ANKRD28: variants seen among roughly 807,000 people sequenced by gnomAD.
The protein encoded by ANKRD28 is ankyrin repeat domain 28.
ANKRD28 carries 44 observed loss-of-function variants against 126.5 expected under a neutral mutation model. That is an observed-to-expected ratio of 0.35 (90% CI 0.27 to 0.45). ANKRD28 has a LOEUF of 0.45. Among genes scored for constraint, ANKRD28 ranks in the 20% least tolerant of loss-of-function variants. The probability of loss-of-function intolerance (pLI) is 1.00; values close to 1 mark genes in which losing one functional copy is unlikely to be tolerated. For synonymous variants in ANKRD28, 442 were observed against 468.5 expected (o/e 0.94, Z 0.73); for missense variants, 1,110 against 1,316.6 (o/e 0.84, Z 2.43).
At position 15,814,847 on chromosome 3, in the gene ANKRD28, C is replaced by T. The variant is rs1042617836; in HGVS notation, c.28-19541G>A. Among the ~76,000 whole-genome samples, 1 of 150,648 alleles carries T rather than the reference C, an allele frequency of 6.6e-6. No homozygotes were observed. Among genetic ancestry groups the T allele is most frequent in the Non-Finnish European group, 1.5e-5 (1 of 67,686 alleles). On this transcript the variant is annotated intron_variant, in intron 1 of 27. Coordinates refer to the ANKRD28 transcript ENST00000399451. The surrounding 1 kb of genome is among the most constrained non-coding windows in gnomAD (Gnocchi z 4.7). ...TTTAAGAAATCACTGCAATATCTCT[C>T]AAAGAAAACTCTGGTAATTTTATAC...
intron 21 of ANKRD28, among the ~76,000 whole-genome samples, chr3:15,682,344 C>G (rs17041447): frequency 6.6e-6 from 1 of 152,100 alleles, no homozygotes; most frequent in East Asian, 1.9e-4. Flanking sequence ...CACTCACCAT[C>G]TGAGTACAGA....
At chr3:15,720,853 C>T in intron 8 of ANKRD28, 62 bp downstream of exon 8, 1 of 1,438,420 alleles carries the variant, frequency 7.0e-7, no homozygotes, top group Non-Finnish European at 9.6e-7. Context: ...ATGGTATTCA[C>T]CATTGATGTT....
chr3:15,824,765 T>A (rs1042918014), intron 1 of ANKRD28, among the ~76,000 whole-genome samples: 2 of 152,240 alleles, frequency 1.3e-5, no homozygotes, highest in East Asian at 3.8e-4. Context: ...AGGTATCACT[T>A]ATGTCAAAAC....
At chr3:15,709,944 A>G (rs1390297434) in intron 12 of ANKRD28, among the ~76,000 whole-genome samples, 1 of 152,200 alleles carries the variant, frequency 6.6e-6, no homozygotes, top group Non-Finnish European at 1.5e-5. Flanking sequence ...CACTGAGGAA[A>G]TAACACACGA....
At chr3:15,762,814 G>A (rs2058560483) in intron 3 of ANKRD28, among the ~76,000 whole-genome samples, 1 of 152,050 alleles carries the variant, frequency 6.6e-6, no homozygotes, top group Non-Finnish European at 1.5e-5. Flanking sequence ...GACTTTTCTA[G>A]GTATCTTAAT....
rs115820525 is a variant in ANKRD28 at position 15,746,985 on chromosome 3, A to G, written c.351+4765T>C. Among the ~76,000 whole-genome samples, 643 of 152,246 alleles carry G rather than the reference A, an allele frequency of 4.2e-3. 4 individuals carry two copies. Among genetic ancestry groups the G allele is most frequent in the East Asian group, 0.019 (98 of 5,192 alleles). ...TCTAGGTTTTCTAGTTTATGTGCGTAAAGGTGTTCACATTAGCCTTGGATA... is the reference window on the plus strand; with the variant it reads ...TCTAGGTTTTCTAGTTTATGTGCGTGAAGGTGTTCACATTAGCCTTGGATA... On this transcript the variant is annotated intron_variant, in intron 4 of 27. Transcript: ENST00000683139.
intron 2 of ANKRD28, among the ~76,000 whole-genome samples, chr3:15,784,961 A>C (rs2059708138): frequency 6.6e-6 from 1 of 152,112 alleles, no homozygotes; most frequent in African/African-American, 2.4e-5. Flanking sequence ...GGAAAGACTC[A>C]GAGGGGTAAA....
In ANKRD28 at chr3:15,751,789, C is replaced by A. The variant is rs2057877864; in HGVS notation, c.312G>T (p.Trp104Cys). The A allele has an allele frequency of 1.3e-6, 2 of 1,588,650 alleles. No individual in the cohort carries two copies. The highest frequency in any genetic ancestry group is 1.7e-6 in the Non-Finnish European group (2 of 1,167,062). ...CAACTGCTCTGTGTAAAGGTGTCAA[C>A]CATTTGCTGTCTTTGGCATTAACTC... is the stretch of plus-strand genomic sequence containing the variant. Reference protein sequence around the residue: ...GARVNAKDSKWLTPLHRAVAS... With the variant: ...GARVNAKDSKCLTPLHRAVAS... The change falls in exon 4 of 28, where the codon TGG becomes TGT. Residue 104 changes from tryptophan (W) to cysteine (C), a missense_variant. Transcript: ENST00000683139.
rs202235946 is a variant in ANKRD28, at chr3:15,692,005, TG to T, written c.1762-1786del. ...AAACAAATAAATAAGCTGGACCTGG[TG>T]GCACATGCCTGTGGTCCCAGCTATG... is the stretch of plus-strand genomic sequence containing the variant. On this transcript the variant is annotated intron_variant, in intron 17 of 27. Coordinates refer to ENST00000683139, the MANE Select transcript of ANKRD28 (RefSeq NM_001349278.2). Among the ~76,000 whole-genome samples the T allele has an allele frequency of 7.4e-3, 1,122 of 152,158 alleles. 10 individuals are homozygous for T. Among genetic ancestry groups the T allele is most frequent in the African/African-American group, 0.025 (1,024 of 41,504 alleles).
At chr3:15,772,562 G>A (rs1009474811) in intron 2 of ANKRD28, among the ~76,000 whole-genome samples, 1 of 152,150 alleles carries the variant, frequency 6.6e-6, no homozygotes, top group Non-Finnish European at 1.5e-5. Context: ...GGGATCACAA[G>A]TATCATTCAA....
intron 1 of ANKRD28, among the ~76,000 whole-genome samples, chr3:15,810,701 C>CT (rs61658995): frequency 9.1e-4 from 131 of 143,500 alleles, no homozygotes; most frequent in Non-Finnish European, 1.0e-3. Context: ...TTGTTCTCTC[C>CT]TTTTTTTTTT....
intron 7 of ANKRD28, among the ~76,000 whole-genome samples, chr3:15,724,015 A>C (rs1450859570): frequency 1.3e-5 from 2 of 152,224 alleles, no homozygotes; most frequent in South Asian, 4.1e-4. Context: ...TGCTACAGTC[A>C]TTTTAAGAGA....
At chr3:15,778,001 T>G (rs1037676009) in intron 2 of ANKRD28, among the ~76,000 whole-genome samples, 1 of 152,112 alleles carries the variant, frequency 6.6e-6, no homozygotes, top group Admixed American at 6.6e-5. Flanking sequence ...TTCTTTATAT[T>G]CATTCGCTTC....
At chr3:15,702,494 ATTT>A (rs1363082120) in intron 14 of ANKRD28, among the ~76,000 whole-genome samples, 2 of 152,246 alleles carry the variant, frequency 1.3e-5, no homozygotes, top group Non-Finnish European at 2.9e-5. Context: ...CTGAAAAAAT[ATTT>A]AAGGCTAAAC....
In ANKRD28 at chr3:15,811,320, T is replaced by C. The variant is rs551356910; in HGVS notation, c.28-16014A>G. Among the ~76,000 whole-genome samples the C allele has an allele frequency of 2.0e-5, 3 of 152,256 alleles. No individual in the cohort carries two copies. In the South Asian group the frequency reaches 6.2e-4, roughly 32 times the overall value. On this transcript the variant is annotated intron_variant, in intron 1 of 27. Transcript: ENST00000399451. Reference sequence around the variant, plus strand: ...GACTTAAGTACTCAACTCATTTAAGTAGGGTAGCTAACAAAAAGTCATTTG... The same window carrying C: ...GACTTAAGTACTCAACTCATTTAAGCAGGGTAGCTAACAAAAAGTCATTTG...
intron 1 of ANKRD28, among the ~76,000 whole-genome samples, chr3:15,824,295 T>C (rs974688535): frequency 2.0e-5 from 3 of 152,148 alleles, no homozygotes; most frequent in Non-Finnish European, 2.9e-5. Context: ...GCTGGGACCA[T>C]AGGCATGTGC....
chr3:15,843,747 G>C lies in ANKRD28; in HGVS notation c.27+15630C>G, dbSNP rs909753017. 6.8e-6 allele frequency among the ~76,000 whole-genome samples: 1 copy of C among 146,750 alleles called. No individual in the cohort carries two copies. Among genetic ancestry groups the C allele is most frequent in the African/African-American group, 2.5e-5 (1 of 39,720 alleles). ...AGATAAAGATAGAATTAAGAGTACA[G>C]TAGGCCAGTTTGAGCCAAAAATAAT... On this transcript the variant is annotated intron_variant, in intron 1 of 27. Transcript: ENST00000399451. The surrounding 1 kb of genome is among the most constrained non-coding windows in gnomAD (Gnocchi z 5.2).
chr3:15,788,154 AC>A (rs1354650143), intron 2 of ANKRD28, among the ~76,000 whole-genome samples: 1 of 152,176 alleles, frequency 6.6e-6, no homozygotes, highest in Non-Finnish European at 1.5e-5. Flanking sequence ...AAAATATGGC[AC>A]TAAAGAAGGC....
At chr3:15,734,708 G>C (rs1197911967) in intron 6 of ANKRD28, among the ~76,000 whole-genome samples, 1 of 152,178 alleles carries the variant, frequency 6.6e-6, no homozygotes, top group East Asian at 1.9e-4. Context: ...GGCAGTTTTA[G>C]CATCCAGAAG....
Sources: gnomAD v4.1 joint callset for allele counts (sites outside exome capture counted in the v4.1 genomes callset) on GRCh38, gnomAD v4.1.1 for gene constraint, Gnocchi (gnomAD v3.1) non-coding constraint, MANE v1.5 for transcripts, NCBI Gene and HGNC (gene_info 2026-07-23, HGNC 2026-07-21) for gene names.